Variants in BMPR1A observed in about 807,000 individuals in gnomAD.
BMPR1A encodes bone morphogenetic protein receptor type-1A.
BMPR1A carries 7 observed loss-of-function variants against 66.0 expected under a neutral mutation model. That is an observed-to-expected ratio of 0.11 (90% CI 0.06 to 0.20). BMPR1A has a LOEUF of 0.20. Ranked by LOEUF, BMPR1A falls within the 10% of genes least tolerant of loss-of-function variation. The pLI, the probability that BMPR1A is intolerant of heterozygous loss-of-function variation, is 1.00. For synonymous variants in BMPR1A, 200 were observed against 229.7 expected (o/e 0.87, Z 1.17); for missense variants, 408 against 669.1 (o/e 0.61, Z 4.31).
Position 86,848,742 on chromosome 10 carries a change from G to A in BMPR1A, c.-153+9763G>A, listed in dbSNP as rs975107481. 1.1e-4 allele frequency among the ~76,000 whole-genome samples: 16 copies of A among 152,224 alleles called. No individual in the cohort carries two copies. The South Asian group carries it at 3.1e-3, about 30-fold the overall frequency. ...GTTTATTCTCCCAGCCTTAGTTAGA[G>A]CTGCTTGTATATTTTCAAAAGCTTC... is the stretch of plus-strand genomic sequence containing the variant. On this transcript the variant is annotated intron_variant, in intron 2 of 12. Coordinates refer to ENST00000372037, the MANE Select transcript of BMPR1A (RefSeq NM_004329.3).
rs906532465 is a variant in BMPR1A, at chr10:86,896,062, G to A, written c.334-3732G>A. Among the ~76,000 whole-genome samples, 9 of 152,114 alleles carry A rather than the reference G, an allele frequency of 5.9e-5. No individual in the cohort carries two copies. In the East Asian group the frequency reaches 1.5e-3, roughly 26 times the overall value. On this transcript the variant is annotated intron_variant, in intron 5 of 12. Coordinates refer to ENST00000372037, the MANE Select transcript of BMPR1A (RefSeq NM_004329.3). The stretch of plus-strand genomic sequence containing the variant: ...CCAGCTACTTGGGAGGCTGAGGCAG[G>A]AGAATCGTTTGAACCCAGGAGTTGG...
At chr10:86,910,269 CAAAGCTTGCAGTGAGCTGAGAT>C (rs1342164741) in intron 7 of BMPR1A, among the ~76,000 whole-genome samples, 1 of 152,074 alleles carries the variant, frequency 6.6e-6, no homozygotes, top group Non-Finnish European at 1.5e-5. Context: ...ACCCGGGAGG[CAAAGCTTGCAGTGAGCTGAGAT>C]TGCGCCATTG....
At chr10:86,853,203 G>A (rs1842595466) in intron 2 of BMPR1A, among the ~76,000 whole-genome samples, 1 of 151,796 alleles carries the variant, frequency 6.6e-6, no homozygotes, top group Non-Finnish European at 1.5e-5. Flanking sequence ...GGATATTTCT[G>A]TAACTGTTAG....
At chr10:86,818,972 T>A (rs1382930733) in intron 1 of BMPR1A, among the ~76,000 whole-genome samples, 1 of 152,192 alleles carries the variant, frequency 6.6e-6, no homozygotes, top group Non-Finnish European at 1.5e-5. Flanking sequence ...AGTAAATACG[T>A]TGAATGAACC....
At chr10:86,831,692 A>C (rs1589736852) in intron 1 of BMPR1A, among the ~76,000 whole-genome samples, 2 of 152,358 alleles carry the variant, frequency 1.3e-5, no homozygotes, top group Admixed American at 6.5e-5. Flanking sequence ...TGAGCCCAGT[A>C]GGTGGAGGCT....
intron 2 of BMPR1A, chr10:86,855,502 A>G: frequency 2.0e-6 from 1 of 507,842 alleles, no homozygotes; most frequent in Non-Finnish European, 3.6e-6. Flanking sequence ...ATAATCTTTC[A>G]GGAAATAGTA....
At chr10:86,791,534 C>T (rs1007050944) in intron 1 of BMPR1A, among the ~76,000 whole-genome samples, 10 of 150,912 alleles carry the variant, frequency 6.6e-5, no homozygotes, top group Admixed American at 2.6e-4. Flanking sequence ...TTGAAACACA[C>T]GCACAGAAAA....
chr10:86,803,035 C>CTT (rs34119896), intron 1 of BMPR1A, among the ~76,000 whole-genome samples: 1 of 144,594 alleles, frequency 6.9e-6, no homozygotes. Context: ...GACCCTAAGC[C>CTT]TTTTTTTACT....
chr10:86,777,434 A>G (rs1467957146), intron 1 of BMPR1A, among the ~76,000 whole-genome samples: 1 of 152,068 alleles, frequency 6.6e-6, no homozygotes, highest in African/African-American at 2.4e-5. Context: ...TTAAAAAGTT[A>G]TTTGGGCATG....
At position 86,927,723 on chromosome 10, in the gene BMPR1A, TATC is replaced by T. The variant is rs1843763233; in HGVS notation, c.*4007_*4009del. On this transcript the variant is annotated 3_prime_UTR_variant, in exon 13 of 13. Coordinates refer to ENST00000372037, the MANE Select transcript of BMPR1A (RefSeq NM_004329.3). ...TAGTATATATTGTATAAAATGGAAA[TATC>T]ATTATTGCTTCATTAGGGGAAACTG... is the stretch of plus-strand genomic sequence containing the variant. 5.0e-6 allele frequency: 1 copy of T among 198,954 alleles called. No individual in the cohort carries two copies. Among genetic ancestry groups the T allele is most frequent in the Non-Finnish European group, 1.0e-5 (1 of 96,522 alleles). 12.3% of individuals were successfully genotyped at this position (198,954 alleles called of 1,614,324 possible).
At chr10:86,767,638 C>G (rs185151903) in intron 1 of BMPR1A, among the ~76,000 whole-genome samples, 19 of 152,306 alleles carry the variant, frequency 1.2e-4, no homozygotes, top group African/African-American at 3.8e-4. Flanking sequence ...TGATCTTACA[C>G]TGCACTCCAG....
At chr10:86,776,385 T>G (rs1841348534) in intron 1 of BMPR1A, among the ~76,000 whole-genome samples, 1 of 152,160 alleles carries the variant, frequency 6.6e-6, no homozygotes, top group African/African-American at 2.4e-5. Flanking sequence ...CTCTCATAAG[T>G]AAAGAAAAAT....
downstream of BMPR1A, chr10:86,932,048 GCCATTTAC>G (rs1338097499): frequency 7.9e-5 from 12 of 152,194 alleles, no homozygotes; most frequent in African/African-American, 2.9e-4. Flanking sequence ...TATAAGGACT[GCCATTTAC>G]CCTTCACCCA....
At chr10:86,892,305 C>T in intron 5 of BMPR1A, 76 bp downstream of exon 5, 1 of 1,162,868 alleles carries the variant, frequency 8.6e-7, no homozygotes, top group Non-Finnish European at 1.3e-6. Flanking sequence ...CCAGGAGAAA[C>T]ATGCCTGGTG....
At chr10:86,830,602 G>A (rs1284231227) in intron 1 of BMPR1A, among the ~76,000 whole-genome samples, 2 of 152,060 alleles carry the variant, frequency 1.3e-5, no homozygotes, top group African/African-American at 2.4e-5. Flanking sequence ...ATCTTTTCAT[G>A]CGCGTATTTG....
At chr10:86,875,127 C>G (rs992266801) in intron 2 of BMPR1A, among the ~76,000 whole-genome samples, 1 of 151,660 alleles carries the variant, frequency 6.6e-6, no homozygotes, top group African/African-American at 2.4e-5. Context: ...AATCCTAGCA[C>G]TTTGGGAGGC....
chr10:86,929,965 A>G (rs1843792122), downstream of BMPR1A: 1 of 152,246 alleles, frequency 6.6e-6, no homozygotes, highest in Non-Finnish European at 1.5e-5. Context: ...CATATTGACC[A>G]TTTCTGACAT....
At chr10:86,822,450 C>T (rs1260851297) in intron 1 of BMPR1A, among the ~76,000 whole-genome samples, 1 of 152,122 alleles carries the variant, frequency 6.6e-6, no homozygotes, top group Non-Finnish European at 1.5e-5. Context: ...ACCATTATCA[C>T]AGTCATGGGC....
At chr10:86,782,890 G>T (rs1009938839) in intron 1 of BMPR1A, among the ~76,000 whole-genome samples, 2 of 152,112 alleles carry the variant, frequency 1.3e-5, no homozygotes, top group Admixed American at 1.3e-4. Flanking sequence ...ATGTAATTCT[G>T]TGTCTATTTT....
Sources: allele counts gnomAD v4.1 joint callset (sites outside exome capture counted in the v4.1 genomes callset), GRCh38; gene constraint gnomAD v4.1.1; transcripts MANE v1.5; gene names NCBI Gene and HGNC (gene_info 2026-07-23, HGNC 2026-07-21).